The following GPC5 variants were observed in gnomAD, a reference collection of about 807,000 sequenced individuals.
The protein encoded by GPC5 is glypican 5.
Under a neutral mutation model 53.9 loss-of-function variants are expected in GPC5, and 47 were observed. The observed-to-expected ratio is 0.87, with a 90% CI of 0.69 to 1.11. The LOEUF is 1.11. Among genes scored for constraint, GPC5 ranks in the 50% most tolerant of loss-of-function variants. GPC5 has a pLI of 0.00. For synonymous variants in GPC5, 286 were observed against 263.3 expected (o/e 1.09, Z -0.84); for missense variants, 748 against 713.1 (o/e 1.05, Z -0.56).
At chr13:92,195,989 A>G (rs951349870) in intron 7 of GPC5, among the ~76,000 whole-genome samples, 2 of 152,194 alleles carry the variant, frequency 1.3e-5, no homozygotes, top group African/African-American at 4.8e-5. Context: ...TTTGGCATGG[A>G]ACTGCCAAGA....
At chr13:91,602,198 C>T (rs1211099169) in intron 2 of GPC5, among the ~76,000 whole-genome samples, 1 of 152,216 alleles carries the variant, frequency 6.6e-6, no homozygotes, top group Non-Finnish European at 1.5e-5. Context: ...GCTTTGCGAG[C>T]ACCTGACACA....
Position 91,448,839 on chromosome 13 carries a change from C to A in GPC5, c.242C>A (p.Ala81Asp). ...RKMEERYQIA[A>D]RQDMQQFLQT... is the part of the protein sequence containing the mutation. ...ATGGAGGAGAGATATCAGATTGCGG[C>A]TCGCCAGGATATGCAGCAGTTTCTT... The change falls in exon 2 of 8, where the codon GCT becomes GAT. Residue 81 changes from alanine (A) to aspartate (D), a missense_variant. Ala to Asp is a moderately radical substitution (Grantham distance 126). Coordinates refer to ENST00000377067, the MANE Select transcript of GPC5 (RefSeq NM_004466.6). 1 of 1,613,756 alleles carries A rather than the reference C, an allele frequency of 6.2e-7. No homozygotes were observed. The highest frequency in any genetic ancestry group is 8.5e-7 in the Non-Finnish European group (1 of 1,179,774).
chr13:92,039,094 G>A (rs1321577354), intron 6 of GPC5, among the ~76,000 whole-genome samples: 1 of 152,222 alleles, frequency 6.6e-6, no homozygotes, highest in Admixed American at 6.5e-5. Context: ...AGGAAGTGTA[G>A]TGGGAGTAAA....
intron 7 of GPC5, among the ~76,000 whole-genome samples, chr13:92,760,073 G>C (rs764286629): frequency 6.6e-6 from 1 of 151,992 alleles, no homozygotes; most frequent in African/African-American, 2.4e-5. Flanking sequence ...CCACTTGTTT[G>C]TAATGGACAA....
chr13:91,473,332 G>A (rs762743984), intron 2 of GPC5, among the ~76,000 whole-genome samples: 10 of 151,848 alleles, frequency 6.6e-5, no homozygotes, highest in Non-Finnish European at 1.3e-4. Context: ...CATCTAATAA[G>A]GAAGCTAATG....
At chr13:91,702,731 T>C (rs2036019947) in intron 3 of GPC5, among the ~76,000 whole-genome samples, 1 of 152,110 alleles carries the variant, frequency 6.6e-6, no homozygotes, top group African/African-American at 2.4e-5. Flanking sequence ...CTTTAGGTAC[T>C]GGACATTTTA....
intron 6 of GPC5, among the ~76,000 whole-genome samples, chr13:92,142,927 T>C (rs972267820): frequency 4.6e-5 from 7 of 152,194 alleles, no homozygotes; most frequent in African/African-American, 1.7e-4. Context: ...AATCATATAA[T>C]TGCATTTTTA....
intron 5 of GPC5, among the ~76,000 whole-genome samples, chr13:91,757,158 A>G (rs1217405678): frequency 6.6e-6 from 1 of 152,106 alleles, no homozygotes; most frequent in Non-Finnish European, 1.5e-5. Context: ...CTCTGTGGTC[A>G]ATTAAACTGG....
intron 6 of GPC5, among the ~76,000 whole-genome samples, chr13:91,949,575 C>T (rs1232877208): frequency 6.6e-6 from 1 of 152,098 alleles, no homozygotes; most frequent in Non-Finnish European, 1.5e-5. Context: ...GAGAAGTTAA[C>T]ATGGATAAAA....
chr13:92,126,038 T>C (rs1347840251), intron 6 of GPC5, among the ~76,000 whole-genome samples: 2 of 141,074 alleles, frequency 1.4e-5, no homozygotes, highest in African/African-American at 5.3e-5. Context: ...CACTGCAACC[T>C]CCACCTCCTG....
intron 2 of GPC5, among the ~76,000 whole-genome samples, chr13:91,496,190 A>G (rs1454382547): frequency 6.6e-6 from 1 of 152,224 alleles, no homozygotes; most frequent in Non-Finnish European, 1.5e-5. Flanking sequence ...GTAAAATTAT[A>G]AACGATTTCA....
intron 6 of GPC5, among the ~76,000 whole-genome samples, chr13:92,134,467 C>G (rs1480914792): frequency 6.6e-6 from 1 of 152,066 alleles, no homozygotes; most frequent in Non-Finnish European, 1.5e-5. Flanking sequence ...TTTAAACATT[C>G]CCTATGCATA....
chr13:92,794,362 T>C (rs1244583264), intron 7 of GPC5, among the ~76,000 whole-genome samples: 1 of 152,100 alleles, frequency 6.6e-6, no homozygotes, highest in Non-Finnish European at 1.5e-5. Context: ...CTCAATAAAC[T>C]AGGTATTGAT....
intron 3 of GPC5, among the ~76,000 whole-genome samples, chr13:91,703,228 A>G (rs914908290): frequency 2.7e-4 from 41 of 152,164 alleles, no homozygotes; most frequent in African/African-American, 9.4e-4. Context: ...AGAAGTGGCA[A>G]GAGTGGACAC....
intron 2 of GPC5, among the ~76,000 whole-genome samples, chr13:91,610,386 G>T (rs570367626): frequency 1.3e-5 from 2 of 152,078 alleles, no homozygotes; most frequent in Non-Finnish European, 1.5e-5. Flanking sequence ...TTTTTCTTCC[G>T]TAGCTCATTT....
intron 7 of GPC5, among the ~76,000 whole-genome samples, chr13:92,805,851 C>G (rs1251637308): frequency 6.6e-6 from 1 of 152,012 alleles, no homozygotes; most frequent in Non-Finnish European, 1.5e-5. Context: ...TTATAAAGCA[C>G]TGGCAGAGTA....
intron 2 of GPC5, among the ~76,000 whole-genome samples, chr13:91,603,044 GCAT>G (rs2033230678): frequency 2.0e-5 from 3 of 152,146 alleles, no homozygotes; most frequent in Non-Finnish European, 4.4e-5. Flanking sequence ...AAACATTTTG[GCAT>G]GACTGGGGTA....
intron 5 of GPC5, among the ~76,000 whole-genome samples, chr13:91,852,402 A>G (rs926845080): frequency 6.6e-6 from 1 of 151,914 alleles, no homozygotes; most frequent in Non-Finnish European, 1.5e-5. Flanking sequence ...TTCATTTCCT[A>G]TGATAATAGT....
chr13:92,614,197 T>C (rs1307992240), intron 7 of GPC5, among the ~76,000 whole-genome samples: 8 of 152,150 alleles, frequency 5.3e-5, no homozygotes, highest in Non-Finnish European at 1.5e-5. Context: ...CCATTAAAAA[T>C]AATTGAATGT....
Sources: allele counts gnomAD v4.1 joint callset (sites outside exome capture counted in the v4.1 genomes callset), GRCh38; gene constraint gnomAD v4.1.1; transcripts MANE v1.5; gene names NCBI Gene and HGNC (gene_info 2026-07-23, HGNC 2026-07-21).